The following PID1 variants were observed in gnomAD, a reference collection of about 807,000 sequenced individuals.
PID1 encodes the protein PTB-containing, cubilin and LRP1-interacting protein.
Under a neutral mutation model 19.1 loss-of-function variants are expected in PID1, and 10 were observed. The ratio of observed to expected loss-of-function variants is 0.52; its 90% CI spans 0.32 to 0.89. The LOEUF (loss-of-function observed/expected upper bound fraction) is 0.89, where lower values mean the gene tolerates loss of function less well. PID1 is among the 40% of genes least tolerant of loss of function. The pLI, the probability that PID1 is intolerant of heterozygous loss-of-function variation, is 0.03. For missense variants in PID1, 248 were observed against 285.3 expected (o/e 0.87, Z 0.94); for synonymous variants, 130 against 116.0 (o/e 1.12, Z -0.78).
chr2:229,243,459 G>T lies in PID1; in HGVS notation c.30+27555C>A, dbSNP rs116752205. On this transcript the variant is annotated intron_variant, in intron 1 of 2. Coordinates refer to ENST00000392055, the MANE Select transcript of PID1 (RefSeq NM_001100818.2). The stretch of plus-strand genomic sequence containing the variant: ...CTTTTATTATAGCACTGATTCTGCT[G>T]TACTGTAATTACTTATCCATAGGTC... Among the ~76,000 whole-genome samples the T allele has an allele frequency of 5.8e-3, 884 of 152,206 alleles. 11 individuals are homozygous for T. The highest frequency in any genetic ancestry group is 0.021 in the African/African-American group (854 of 41,528).
At chr2:229,183,191 C>T (rs762599888) in intron 1 of PID1, among the ~76,000 whole-genome samples, 90 of 152,244 alleles carry the variant, frequency 5.9e-4, no homozygotes, top group African/African-American at 1.9e-3. Flanking sequence ...TGAAGATGGA[C>T]GCAGAGGCTG....
At chr2:229,126,687 G>T (rs1479598878) in intron 2 of PID1, among the ~76,000 whole-genome samples, 4 of 152,192 alleles carry the variant, frequency 2.6e-5, no homozygotes, top group Non-Finnish European at 5.9e-5. Context: ...CATTTTCAGA[G>T]CATCATCAAT....
chr2:229,073,143 A>G (rs1694491082), intron 2 of PID1, among the ~76,000 whole-genome samples: 1 of 152,192 alleles, frequency 6.6e-6, no homozygotes, highest in African/African-American at 2.4e-5. Flanking sequence ...CTCCTGCCTC[A>G]GCCTCCTGAG....
intron 2 of PID1, among the ~76,000 whole-genome samples, chr2:229,134,231 G>GTTTTTT (rs60513006): frequency 1.6e-4 from 18 of 109,196 alleles, no homozygotes; most frequent in South Asian, 3.9e-4. Context: ...TACTACCTGT[G>GTTTTTT]TTTTTTTTTT....
At position 229,179,608 on chromosome 2, in the gene PID1, A is replaced by G. The variant is rs376278090; in HGVS notation, c.31-23644T>C. 2.4e-4 allele frequency among the ~76,000 whole-genome samples: 36 copies of G among 152,294 alleles called. No individual in the cohort carries two copies. The South Asian group carries it at 5.6e-3, about 24-fold the overall frequency. On this transcript the variant is annotated intron_variant, in intron 1 of 2. Coordinates refer to ENST00000392055, the MANE Select transcript of PID1 (RefSeq NM_001100818.2). ...ACTGAACCATTTTCATTACTAACCTATTGGAAATTGCATATGCCCTTTAAT... is the reference window on the plus strand; with the variant it reads ...ACTGAACCATTTTCATTACTAACCTGTTGGAAATTGCATATGCCCTTTAAT...
intron 1 of PID1, among the ~76,000 whole-genome samples, chr2:229,189,042 T>C (rs977154531): frequency 6.6e-6 from 1 of 152,160 alleles, no homozygotes; most frequent in African/African-American, 2.4e-5. Flanking sequence ...ACTTCTTAGG[T>C]TACCCTTAAA....
intron 2 of PID1, among the ~76,000 whole-genome samples, chr2:229,135,885 T>G (rs566877942): frequency 3.3e-5 from 5 of 152,342 alleles, no homozygotes; most frequent in Admixed American, 3.3e-4. Flanking sequence ...GAATGAGGTC[T>G]GAAAACATGG....
At chr2:229,109,991 A>C (rs1695264217) in intron 2 of PID1, among the ~76,000 whole-genome samples, 1 of 152,132 alleles carries the variant, frequency 6.6e-6, no homozygotes, top group South Asian at 2.1e-4. Flanking sequence ...TGGAGGAGTC[A>C]CTCTACCTGT....
At chr2:229,150,907 G>A (rs1574670493) in intron 2 of PID1, among the ~76,000 whole-genome samples, 2 of 151,066 alleles carry the variant, frequency 1.3e-5, no homozygotes, top group South Asian at 4.2e-4. Context: ...TATATCTGGG[G>A]TAAAATCATA....
chr2:229,263,004 A>G, intron 1 of PID1: 1 of 1,087,340 alleles, frequency 9.2e-7, no homozygotes, highest in South Asian at 2.3e-5. Context: ...CTACATTCAC[A>G]GGTACCAGGG....
chr2:229,249,701 A>C (rs951975225), intron 1 of PID1, among the ~76,000 whole-genome samples: 2 of 152,198 alleles, frequency 1.3e-5, no homozygotes, highest in Non-Finnish European at 2.9e-5. Context: ...ACTCATTGCA[A>C]CTGGATACCA....
intron 1 of PID1, among the ~76,000 whole-genome samples, chr2:229,215,166 A>C (rs1691818902): frequency 6.6e-6 from 1 of 152,228 alleles, no homozygotes; most frequent in Non-Finnish European, 1.5e-5. Flanking sequence ...CTGATACGAT[A>C]GTTGGGTCTG....
At chr2:229,205,619 T>C (rs1478035773) in intron 1 of PID1, among the ~76,000 whole-genome samples, 1 of 152,130 alleles carries the variant, frequency 6.6e-6, no homozygotes, top group Non-Finnish European at 1.5e-5. Context: ...CTCCATATTA[T>C]GTCAACAAAA....
rs1391021682 is a variant in PID1, at chr2:229,139,083, GAA to G, written c.177+16733_177+16734del. ...AGAAAGAAAGAAAGAAAGAAAGAAA[GAA>G]AGAAAGAAAGAAAGAAAGAAAGAAA... On this transcript the variant is annotated intron_variant, in intron 2 of 2. Transcript: ENST00000392055. Among the ~76,000 whole-genome samples, 246 of 64,834 alleles carry G rather than the reference GAA, an allele frequency of 3.8e-3. 14 individuals carry two copies. The highest frequency in any genetic ancestry group is 0.017 in the African/African-American group (236 of 13,628). The allele number at this position is 64,834 out of a possible 152,430, so 42.5% of individuals were successfully genotyped here.
intron 2 of PID1, among the ~76,000 whole-genome samples, chr2:229,054,715 TGTGTGGG>T (rs1258093017): frequency 0.073 from 1,063 of 14,488 alleles, 17 homozygotes; most frequent in African/African-American, 0.15. Context: ...TGTGTGTGTG[TGTGTGGG>T]GGGGGGGGGG....
At chr2:229,120,817 G>A (rs1329554200) in intron 2 of PID1, among the ~76,000 whole-genome samples, 2 of 151,942 alleles carry the variant, frequency 1.3e-5, no homozygotes. Flanking sequence ...CCATTCTCGA[G>A]GTGATGAATG....
intron 1 of PID1, among the ~76,000 whole-genome samples, chr2:229,205,205 C>T (rs184725831): frequency 1.5e-4 from 23 of 152,084 alleles, no homozygotes; most frequent in Non-Finnish European, 2.6e-4. Context: ...CAGACACATG[C>T]ACACATGCTA....
rs140695635 is a variant in PID1 at position 229,086,766 on chromosome 2, G to A, written c.178-60658C>T. Among the ~76,000 whole-genome samples the A allele has an allele frequency of 9.2e-4, 140 of 152,220 alleles. 2 individuals carry two copies. In the East Asian group the frequency reaches 0.021, roughly 22 times the overall value. On this transcript the variant is annotated intron_variant, in intron 2 of 2. Transcript: ENST00000392055. ...GCATGAGTGGTAAGACAGAGACAGC[G>A]ATTTATACATAATTTTTGTAAAGCT... is the stretch of plus-strand genomic sequence containing the variant.
chr2:229,105,602 C>G (rs2106142328), intron 2 of PID1, among the ~76,000 whole-genome samples: 1 of 152,322 alleles, frequency 6.6e-6, no homozygotes, highest in East Asian at 1.9e-4. Context: ...GCCCTGAACT[C>G]TCATGTGTAC....
Sources: gnomAD v4.1 joint callset for allele counts (sites outside exome capture counted in the v4.1 genomes callset) on GRCh38, gnomAD v4.1.1 for gene constraint, MANE v1.5 for transcripts, NCBI Gene and HGNC (gene_info 2026-07-23, HGNC 2026-07-21) for gene names.